CBFA2T3: variants seen among roughly 807,000 people sequenced by gnomAD.
The protein encoded by CBFA2T3 is transcriptional corepressor CBFA2T3.
Under a neutral mutation model 58.6 loss-of-function variants are expected in CBFA2T3, and 31 were observed. The ratio of observed to expected loss-of-function variants is 0.53; its 90% CI spans 0.40 to 0.71. The LOEUF (loss-of-function observed/expected upper bound fraction) is 0.71. Among genes scored for constraint, CBFA2T3 ranks in the 30% least tolerant of loss-of-function variants. The pLI, the probability that CBFA2T3 is intolerant of heterozygous loss-of-function variation, is 0.00. For missense variants in CBFA2T3, 1,076 were observed against 963.1 expected (o/e 1.12, Z -1.55); for synonymous variants, 531 against 421.9 (o/e 1.26, Z -3.17).
At chr16:88,949,494 G>T (rs1279667031) in intron 1 of CBFA2T3, among the ~76,000 whole-genome samples, 1 of 151,662 alleles carries the variant, frequency 6.6e-6, no homozygotes, top group Non-Finnish European at 1.5e-5. Context: ...GGGAGGCGGA[G>T]GTTGCAGTGA....
At chr16:88,917,909 T>C (rs1223469734) in intron 1 of CBFA2T3, among the ~76,000 whole-genome samples, 1 of 152,218 alleles carries the variant, frequency 6.6e-6, no homozygotes, top group Non-Finnish European at 1.5e-5. Context: ...CAATCCCCTC[T>C]GTCCCTCCGG....
intron 10 of CBFA2T3, 182 bp from the exon 11 acceptor site, chr16:88,879,642 G>A: frequency 1.7e-6 from 1 of 589,154 alleles, no homozygotes; most frequent in Non-Finnish European, 3.0e-6. Context: ...TAGCATCTGT[G>A]CACACACAGA....
At chr16:88,922,854 C>T (rs1347347405) in intron 1 of CBFA2T3, among the ~76,000 whole-genome samples, 1 of 152,216 alleles carries the variant, frequency 6.6e-6, no homozygotes, top group Non-Finnish European at 1.5e-5. Context: ...CTCGGCAGCA[C>T]CCCCACCCAG....
intron 5 of CBFA2T3, among the ~76,000 whole-genome samples, chr16:88,887,596 C>T (rs1009688538): frequency 1.1e-4 from 17 of 152,048 alleles, no homozygotes; most frequent in African/African-American, 2.4e-4. Flanking sequence ...GCGTAGGGGC[C>T]GGATGCACAG....
chr16:88,974,917 C>A (rs974243726), intron 1 of CBFA2T3, among the ~76,000 whole-genome samples: 1 of 152,208 alleles, frequency 6.6e-6, no homozygotes, highest in Non-Finnish European at 1.5e-5. Flanking sequence ...TCACATGTAA[C>A]TCTGCTGCCT....
At chr16:88,881,206 T>C (rs1969058670) in intron 9 of CBFA2T3, 85 bp downstream of exon 9, 7 of 1,213,340 alleles carry the variant, frequency 5.8e-6, no homozygotes. Context: ...TGGTGTTTCG[T>C]TGCATTGCCT....
At chr16:88,941,770 C>T (rs1971744421) in intron 1 of CBFA2T3, 1 of 149,908 alleles carries the variant, frequency 6.7e-6, no homozygotes, top group Non-Finnish European at 1.5e-5. Context: ...CGCACACCCA[C>T]CTCGCAGCAG....
chr16:88,951,602 G>C, intron 1 of CBFA2T3: 1 of 363,408 alleles, frequency 2.8e-6, no homozygotes, highest in South Asian at 2.2e-5. Context: ...CTCAGCTCCA[G>C]CTCGGGTCAC....
At chr16:88,892,645 G>A (rs1218897540) in intron 3 of CBFA2T3, among the ~76,000 whole-genome samples, 160 bp from the exon 4 acceptor site, 1 of 152,178 alleles carries the variant, frequency 6.6e-6, no homozygotes, top group Admixed American at 6.5e-5. Context: ...GACAGCAGGA[G>A]CCCTGGGCCC....
chr16:88,927,932 C>G (rs997943687), intron 1 of CBFA2T3, among the ~76,000 whole-genome samples: 2 of 152,230 alleles, frequency 1.3e-5, no homozygotes, highest in Non-Finnish European at 2.9e-5. Context: ...CACGGGCAAC[C>G]CTGCCCAGTG....
At chr16:88,880,509 C>G (rs757716702) in intron 10 of CBFA2T3, among the ~76,000 whole-genome samples, 1 of 152,238 alleles carries the variant, frequency 6.6e-6, no homozygotes, top group Admixed American at 6.5e-5. Flanking sequence ...GCCACCGGTC[C>G]GTTTCCTGGT....
chr16:88,924,313 C>T (rs1181222860), intron 1 of CBFA2T3, among the ~76,000 whole-genome samples: 3 of 152,226 alleles, frequency 2.0e-5, no homozygotes, highest in Admixed American at 6.5e-5. Context: ...CCTTCAGGAC[C>T]GCTCCAGTCG....
At chr16:88,941,127 G>A in intron 1 of CBFA2T3, 1 of 984,142 alleles carries the variant, frequency 1.0e-6, no homozygotes, top group Non-Finnish European at 1.2e-6. Context: ...CGACTCAGGG[G>A]CGGCTGCGCG....
intron 1 of CBFA2T3, among the ~76,000 whole-genome samples, chr16:88,920,167 G>A (rs1219243890): frequency 6.6e-6 from 1 of 152,234 alleles, no homozygotes; most frequent in Non-Finnish European, 1.5e-5. Context: ...GACCAGTGAA[G>A]CTTGTGCAAC....
rs369662071 is a variant in CBFA2T3, at chr16:88,881,239, G to C, written c.1402+52C>G. On this transcript the variant is annotated intron_variant, in intron 9 of 11. Transcript: ENST00000268679. The stretch of plus-strand genomic sequence containing the variant: ...CCTGCCTGACAGCTCCCAGGTGTCC[G>C]CCCCACCAGAGCACCCCGTGTCTGC... 41 of 1,501,136 alleles carry C rather than the reference G, an allele frequency of 2.7e-5. No homozygotes were observed. The African/African-American group carries it at 4.5e-4, about 17-fold the overall frequency. The allele number at this position is 1,501,136 out of a possible 1,614,324, so 93.0% of individuals were successfully genotyped here. A position where few individuals can be genotyped will look rare whatever the true frequency, so the allele number is the denominator to read the frequency against.
At chr16:88,919,949 T>C (rs1259764755) in intron 1 of CBFA2T3, among the ~76,000 whole-genome samples, 1 of 152,184 alleles carries the variant, frequency 6.6e-6, no homozygotes, top group Admixed American at 6.5e-5. Flanking sequence ...TGATGAGAAT[T>C]AAAGCGATTT....
At chr16:88,886,783 C>T (rs2142559728) in intron 5 of CBFA2T3, 1 of 152,456 alleles carries the variant, frequency 6.6e-6, no homozygotes, top group Admixed American at 6.5e-5. Flanking sequence ...TCTGTGGCTG[C>T]TCAAGTGATC....
At chr16:88,891,280 A>G (rs1690610931) in intron 5 of CBFA2T3, among the ~76,000 whole-genome samples, 1 of 152,080 alleles carries the variant, frequency 6.6e-6, no homozygotes, top group African/African-American at 2.4e-5. Context: ...GGGCCTCTGC[A>G]CGTGCAGTTA....
chr16:88,964,811 C>G (rs1972454149), intron 1 of CBFA2T3, among the ~76,000 whole-genome samples: 1 of 151,358 alleles, frequency 6.6e-6, no homozygotes, highest in Non-Finnish European at 1.5e-5. Context: ...TCCAGTCACC[C>G]ATCTATTCAT....
Sources: allele counts gnomAD v4.1 joint callset (sites outside exome capture counted in the v4.1 genomes callset), GRCh38; gene constraint gnomAD v4.1.1; transcripts MANE v1.5; gene names NCBI Gene and HGNC (gene_info 2026-07-23, HGNC 2026-07-21).